The following PER1 variants were observed in gnomAD, a reference collection of about 807,000 sequenced individuals.
PER1 encodes the protein period circadian protein homolog 1.
Under a neutral mutation model 125.9 loss-of-function variants are expected in PER1, and 87 were observed. The observed-to-expected ratio is 0.69, with a 90% CI of 0.58 to 0.83. The LOEUF is 0.83. Among genes scored for constraint, PER1 ranks in the 40% least tolerant of loss-of-function variants. PER1 has a pLI of 0.00. For missense variants in PER1, 1,775 were observed against 1,722.8 expected (o/e 1.03, Z -0.54); for synonymous variants, 801 against 714.7 (o/e 1.12, Z -1.93).
rs1013537999 is a variant in PER1 at position 8,149,052 on chromosome 17, G to C, written c.905+207C>G. 9.8e-6 allele frequency: 6 copies of C among 614,276 alleles called. No homozygotes were observed. The South Asian group carries it at 1.2e-4, about 12-fold the overall frequency. 38.1% of individuals were successfully genotyped at this position (614,276 alleles called of 1,614,324 possible). A position where few individuals can be genotyped will look rare whatever the true frequency, so the allele number is the denominator to read the frequency against. ...GAAAATACAAAAATTAGCTGGGCGT[G>C]GTGGCGCATGCCTGTAATCCCAGCT... On this transcript the variant is annotated intron_variant, in intron 7 of 22. Coordinates refer to ENST00000317276, the MANE Select transcript of PER1 (RefSeq NM_002616.3).
In PER1 at chr17:8,150,849, G is replaced by C. The variant is rs752632455; in HGVS notation, c.-139-4C>G. The C allele has an allele frequency of 7.1e-6, 5 of 706,444 alleles. No homozygotes were observed. The highest frequency in any genetic ancestry group is 6.7e-5 in the South Asian group (3 of 44,448). 43.8% of individuals were successfully genotyped at this position (706,444 alleles called of 1,614,324 possible). On this transcript the variant is annotated splice_polypyrimidine_tract_variant and splice_region_variant and intron_variant, in intron 1 of 22. Transcript: ENST00000317276. ...GAAGTTCGATCACAGCCAGTACCTG[G>C]AGAGGGAGACCAGGAAGCAGGGCTT...
At position 8,146,917 on chromosome 17, in the gene PER1, T is replaced by C. The variant is rs1354168997; in HGVS notation, c.1715A>G (p.Gln572Arg). The C allele has an allele frequency of 1.2e-6, 2 of 1,613,898 alleles. No homozygotes were observed. Among genetic ancestry groups the C allele is most frequent in the African/African-American group, 1.3e-5 (1 of 75,022 alleles). The part of the protein sequence containing the change: ...QLFIESRARP[Q>R]SRPRLPATGT... ...CTCACCAGGGAGGCGGGGCCGGGAC[T>C]GAGGCCGGGCCCGAGACTCAATAAA... The change falls in exon 14 of 23, where the codon CAG becomes CGG. Residue 572 changes from glutamine (Q) to arginine (R), a missense_variant. Coordinates refer to ENST00000317276, the MANE Select transcript of PER1 (RefSeq NM_002616.3).
Position 8,145,965 on chromosome 17 carries a change from C to A in PER1, c.2211G>T (p.Pro737=). ...CCAATTCCACACCCATACCCGACTC[C>A]GGGGGCTTCTTGTCTCCCACATGGA... ...TIVHVGDKKP[P]ESDIIMMEDL... is the part of the protein sequence containing the mutation. The change falls in exon 17 of 23, where the codon CCG becomes CCT. Residue 737 remains proline (P), a synonymous_variant. Transcript: ENST00000317276. The A allele has an allele frequency of 6.2e-7, 1 of 1,604,324 alleles. No homozygotes were observed.
At position 8,147,783 on chromosome 17, in the gene PER1, A is replaced by G; in HGVS notation, c.1279T>C (p.Phe427Leu). 1 of 1,614,038 alleles carries G rather than the reference A, an allele frequency of 6.2e-7. No homozygotes were observed. Among genetic ancestry groups the G allele is most frequent in the Non-Finnish European group, 8.5e-7 (1 of 1,180,002 alleles). The change falls in exon 11 of 23, where the codon TTC becomes CTC. Residue 427 changes from phenylalanine to leucine, a missense_variant. Physicochemically the swap from Phe to Leu is conservative, Grantham distance 22 (BLOSUM62 0). Coordinates refer to ENST00000317276, the MANE Select transcript of PER1 (RefSeq NM_002616.3). ...GQPFDHSPIRFCARNGEYVTM... is the reference protein window; with the variant it reads ...GQPFDHSPIRLCARNGEYVTM... ...ACATACTCCCCGTTGCGGGCACAGA[A>G]GCGGATAGGGGAGTGGTCAAAGGGC...
rs1165566429 is a variant in PER1, at chr17:8,140,808, T to G, written c.*260A>C. On this transcript the variant is annotated 3_prime_UTR_variant, in exon 23 of 23. Transcript: ENST00000317276. ...CTTCAGCAGCTTGTCAGCAACTTTGTCCAGGGGAGGGAAGGATTCCTCTCC... is the reference window on the plus strand; with the variant it reads ...CTTCAGCAGCTTGTCAGCAACTTTGGCCAGGGGAGGGAAGGATTCCTCTCC... The G allele has an allele frequency of 1.1e-5, 5 of 450,902 alleles. No homozygotes were observed. The highest frequency in any genetic ancestry group is 2.0e-5 in the Non-Finnish European group (5 of 248,558). The allele number at this position is 450,902 out of a possible 1,614,324, so 27.9% of individuals were successfully genotyped here.
chr17:8,148,333 C>T, intron 8 of PER1, 74 bp from the exon 9 acceptor site: 3 of 1,273,264 alleles, frequency 2.4e-6, no homozygotes, highest in Non-Finnish European at 3.4e-6. Flanking sequence ...TCTGCCTGGG[C>T]CCAGGCTGGC....
rs766922368 is a variant in PER1, at chr17:8,142,740, G to A, written c.3168C>T (p.Gly1056=). ...AGCCCAAGGAGCCCGAGGCTGCGGA[G>A]CCTGTGCCGGAGCGCGAGTCCTCTT... ...LLQEDSRSGT[G]SAASGSLGSG... is the part of the protein sequence containing the mutation. The change falls in exon 20 of 23, where the codon GGC becomes GGT. Residue 1056 remains glycine (G), a synonymous_variant. Coordinates refer to ENST00000317276, the MANE Select transcript of PER1 (RefSeq NM_002616.3). 2 of 1,613,776 alleles carry A rather than the reference G, an allele frequency of 1.2e-6. No individual in the cohort carries two copies. The highest frequency in any genetic ancestry group is 2.2e-5 in the East Asian group (1 of 44,892).
intron 21 of PER1, 41 bp downstream of exon 21, chr17:8,142,228 C>T: frequency 1.3e-6 from 2 of 1,503,786 alleles, no homozygotes; most frequent in South Asian, 2.5e-5. Flanking sequence ...CCCACTACTA[C>T]CTCTGAAAGG....
At position 8,149,458 on chromosome 17, in the gene PER1, TC is replaced by T; in HGVS notation, c.853+3del. 6.2e-7 allele frequency: 1 copy of T among 1,611,342 alleles called. No homozygotes were observed. Among genetic ancestry groups the T allele is most frequent in the Non-Finnish European group, 8.5e-7 (1 of 1,177,936 alleles). ...TGCCTCCCCACAGCGCTTGGGCACC[TC>T]ACCTGCTGAGGCCCCTGTGCCCCAG... On this transcript the variant is annotated splice_donor_region_variant and intron_variant, in intron 6 of 22. Transcript: ENST00000317276.
chr17:8,145,324 C>CTTTTTTTTTTTTTTT lies in PER1; in HGVS notation c.2219-346_2219-332dup, dbSNP rs398030276. Reference sequence around the variant, plus strand: ...CCTTCCCTCACACATTTTCTTGTTTCTTTTTTTTTTTTTTTTTGACATGGA... The same window carrying CTTTTTTTTTTTTTTT: ...CCTTCCCTCACACATTTTCTTGTTTCTTTTTTTTTTTTTTTTTTTTTTTTTTTTTTTTGACATGGA... On this transcript the variant is annotated intron_variant, in intron 17 of 22. Transcript: ENST00000317276. Among the ~76,000 whole-genome samples the CTTTTTTTTTTTTTTT allele has an allele frequency of 3.3e-4, 41 of 125,506 alleles. 1 individual carries two copies. Among genetic ancestry groups the CTTTTTTTTTTTTTTT allele is most frequent in the Non-Finnish European group, 6.1e-4 (38 of 61,886 alleles). The allele number at this position is 125,506 out of a possible 152,430, so 82.3% of individuals were successfully genotyped here.
At chr17:8,148,817 T>C in intron 7 of PER1, 31 bp from the exon 8 acceptor site, 1 of 1,609,230 alleles carries the variant, frequency 6.2e-7, no homozygotes, top group South Asian at 1.1e-5. Context: ...ATTAGGGACT[T>C]TCAACAGAGA....
intron 16 of PER1, 46 bp from the exon 17 acceptor site, chr17:8,146,183 A>G: frequency 6.4e-7 from 1 of 1,553,560 alleles, no homozygotes; most frequent in Non-Finnish European, 8.7e-7. Context: ...CCCCACTGGG[A>G]AGTCAGGAGA....
intron 7 of PER1, 89 bp downstream of exon 7, chr17:8,149,170 C>CA (rs1982659556): frequency 8.3e-7 from 1 of 1,200,546 alleles, no homozygotes; most frequent in Admixed American, 1.7e-5. Flanking sequence ...GCCTGGGTGA[C>CA]AGAGTGAGAC....
rs370487355 is a variant in PER1, at chr17:8,149,239, C to T, written c.905+20G>A. 13 of 1,607,058 alleles carry T rather than the reference C, an allele frequency of 8.1e-6. No homozygotes were observed. In the African/African-American group the frequency reaches 1.3e-4, roughly 17 times the overall value. On this transcript the variant is annotated intron_variant, in intron 7 of 22. Coordinates refer to ENST00000317276, the MANE Select transcript of PER1 (RefSeq NM_002616.3). The stretch of plus-strand genomic sequence containing the variant: ...AAAAAAAAAAGGAGGCAGAGGTCTT[C>T]TCCAGTTCCCCTCACCTACCTGATA...
At position 8,150,541 on chromosome 17, in the gene PER1, C is replaced by T. The variant is rs1982790892; in HGVS notation, c.166G>A (p.Glu56Lys). 1 of 1,614,074 alleles carries T rather than the reference C, an allele frequency of 6.2e-7. No homozygotes were observed. The highest frequency in any genetic ancestry group is 8.5e-7 in the Non-Finnish European group (1 of 1,180,036). Residue 56 changes from glutamate (E) to lysine (K), a missense_variant, in exon 2 of 23, where the codon GAG becomes AAG. Physicochemically the swap from Glu to Lys is moderately conservative, Grantham distance 56. Coordinates refer to ENST00000317276, the MANE Select transcript of PER1 (RefSeq NM_002616.3). ...DANSNGSSGN[E>K]SNGHESRGAS... ...CCTCTAGACTCATGCCCGTTGGACT[C>T]ATTGCCACTTGAACCATTGCTGTTG...
chr17:8,142,335 T>A lies in PER1; in HGVS notation c.3383A>T (p.Asp1128Val). 6.2e-7 allele frequency: 1 copy of A among 1,613,770 alleles called. No homozygotes were observed. Among genetic ancestry groups the A allele is most frequent in the Non-Finnish European group, 8.5e-7 (1 of 1,179,912 alleles). Reference protein sequence around the residue: ...GDQVIKYVLQDPIWLLMANAD... With the variant: ...GDQVIKYVLQVPIWLLMANAD... ...ATTGGCCATGAGCAGCCAAATGGGA[T>A]CCTGGAGCACGTACTTAATCACCTG... The change falls in exon 21 of 23, where the codon GAT becomes GTT. Residue 1128 changes from aspartate to valine, a missense_variant. Coordinates refer to ENST00000317276, the MANE Select transcript of PER1 (RefSeq NM_002616.3).
chr17:8,145,695 T>C (rs1313587330), intron 17 of PER1, among the ~76,000 whole-genome samples: 1 of 152,164 alleles, frequency 6.6e-6, no homozygotes, highest in Non-Finnish European at 1.5e-5. Context: ...TCAGACCCTG[T>C]GTGGTCAGCA....
At chr17:8,149,168 G>A (rs1982659214) in intron 7 of PER1, 91 bp downstream of exon 7, 1 of 1,179,996 alleles carries the variant, frequency 8.5e-7, no homozygotes, top group Non-Finnish European at 1.3e-6. Context: ...CAGCCTGGGT[G>A]ACAGAGTGAG....
In PER1 at chr17:8,144,881, C is replaced by A. The variant is rs1233128867; in HGVS notation, c.2331G>T (p.Gly777=). The A allele has an allele frequency of 1.3e-6, 2 of 1,570,402 alleles. No homozygotes were observed. Among genetic ancestry groups the A allele is most frequent in the South Asian group, 2.3e-5 (2 of 85,430 alleles). Residue 777 remains glycine, a synonymous_variant, in exon 18 of 23, where the codon GGG becomes GGT. Coordinates refer to ENST00000317276, the MANE Select transcript of PER1 (RefSeq NM_002616.3). ...DPAPDAYRPV[G]LTKAVLSLHT... is the part of the protein sequence containing the mutation. ...GCAGGGACAGCACGGCCTTGGTCAG[C>A]CCCACTGGACGGTAGGCGTCTGGGG...
Sources: gnomAD v4.1 joint callset for allele counts (sites outside exome capture counted in the v4.1 genomes callset) on GRCh38, gnomAD v4.1.1 for gene constraint, MANE v1.5 for transcripts, NCBI Gene and HGNC (gene_info 2026-07-23, HGNC 2026-07-21) for gene names.